Variants in SDK1 observed in about 807,000 individuals in gnomAD.
The protein encoded by SDK1 is protein sidekick-1.
Under a neutral mutation model 245.5 loss-of-function variants are expected in SDK1, and 157 were observed. The ratio of observed to expected loss-of-function variants is 0.64; its 90% confidence interval spans 0.56 to 0.73. The LOEUF is 0.73. Ranked by LOEUF, SDK1 falls within the 30% of genes least tolerant of loss-of-function variation. The probability of loss-of-function intolerance (pLI) is 0.00; values close to 1 mark genes in which losing one functional copy is unlikely to be tolerated. For missense variants in SDK1, 3,583 were observed against 3,002.3 expected (o/e 1.19, Z -4.52); for synonymous variants, 1,647 against 1,278.5 (o/e 1.29, Z -6.15).
chr7:3,789,896 G>A (rs1020415730), intron 4 of SDK1, among the ~76,000 whole-genome samples: 12 of 151,752 alleles, frequency 7.9e-5, no homozygotes, highest in Non-Finnish European at 1.5e-4. Flanking sequence ...GGACAGGCTC[G>A]AGGACAGGCT....
At chr7:3,976,004 CCACGCA>C (rs1782929216) in intron 13 of SDK1, among the ~76,000 whole-genome samples, 2 of 8,324 alleles carry the variant, frequency 2.4e-4, no homozygotes, top group Non-Finnish European at 5.4e-4. Flanking sequence ...GCTGAGGCTG[CCACGCA>C]GAGGATCCTC....
chr7:3,631,502 G>A (rs952942585), intron 2 of SDK1, among the ~76,000 whole-genome samples: 10 of 152,112 alleles, frequency 6.6e-5, no homozygotes, highest in African/African-American at 2.2e-4. Flanking sequence ...TGTCCTCTAT[G>A]AATTGCCTAG....
intron 22 of SDK1, among the ~76,000 whole-genome samples, chr7:4,107,315 AAGGCAGG>A (rs1782999371): frequency 6.6e-6 from 1 of 152,104 alleles, no homozygotes; most frequent in African/African-American, 2.4e-5. Context: ...AAGGACCCGG[AAGGCAGG>A]AGGCTGCCGG....
chr7:4,079,109 G>A (rs1477519790), intron 21 of SDK1, among the ~76,000 whole-genome samples: 1 of 152,204 alleles, frequency 6.6e-6, no homozygotes, highest in Non-Finnish European at 1.5e-5. Flanking sequence ...TGAGGAGCCA[G>A]GAAGAATTAC....
intron 17 of SDK1, among the ~76,000 whole-genome samples, chr7:4,037,657 A>T (rs1236322809): frequency 6.6e-6 from 1 of 152,152 alleles, no homozygotes; most frequent in African/African-American, 2.4e-5. Flanking sequence ...GTCAAAAATG[A>T]CATTCTGATT....
chr7:3,546,062 G>C (rs888927571), intron 1 of SDK1, among the ~76,000 whole-genome samples: 1 of 152,090 alleles, frequency 6.6e-6, no homozygotes, highest in Non-Finnish European at 1.5e-5. Context: ...ACTTTTAATC[G>C]TTGGGATGCA....
Position 3,951,030 on chromosome 7 carries a change from G to T in SDK1, c.955G>T (p.Ala319Ser), listed in dbSNP as rs1214413035. ...SETTLECIAS[A>S]RPVEDLSVTW... ...GACCACCTTGGAATGTATAGCCAGT[G>T]CCAGGTACGAGGCGCGTCTCCTGTG... is the stretch of plus-strand genomic sequence containing the variant. Residue 319 changes from alanine to serine, a missense_variant, in exon 6 of 45, where the codon GCC (alanine) becomes TCC (serine). Coordinates refer to ENST00000404826, the MANE Select transcript of SDK1 (RefSeq NM_152744.4). The T allele has an allele frequency of 6.2e-7, 1 of 1,609,802 alleles. No individual in the cohort carries two copies. The highest frequency in any genetic ancestry group is 1.3e-5 in the African/African-American group (1 of 74,946).
intron 1 of SDK1, among the ~76,000 whole-genome samples, chr7:3,388,061 C>G (rs1196620630): frequency 1.3e-5 from 2 of 152,152 alleles, no homozygotes; most frequent in East Asian, 3.9e-4. Flanking sequence ...TATTTATGTT[C>G]AGATAGAAGG....
At chr7:3,439,457 G>C (rs1262413825) in intron 1 of SDK1, among the ~76,000 whole-genome samples, 1 of 152,078 alleles carries the variant, frequency 6.6e-6, no homozygotes, top group Non-Finnish European at 1.5e-5. Context: ...TTTCGGGTTT[G>C]GTCAACCTTT....
At chr7:3,993,824 C>A (rs753268616) in intron 14 of SDK1, among the ~76,000 whole-genome samples, 1 of 152,144 alleles carries the variant, frequency 6.6e-6, no homozygotes. Flanking sequence ...TCACTTCTCA[C>A]GCATTCTATC....
Position 3,370,228 on chromosome 7 carries a change from C to G in SDK1, c.298+68344C>G, listed in dbSNP as rs368568503. 5.3e-5 allele frequency among the ~76,000 whole-genome samples: 8 copies of G among 152,292 alleles called. No homozygotes were observed. In the East Asian group the frequency reaches 7.7e-4, roughly 15 times the overall value. On this transcript the variant is annotated intron_variant, in intron 1 of 44. Transcript: ENST00000404826. The stretch of plus-strand genomic sequence containing the variant: ...ATACATAGGTTTTCAGTACAGTCTC[C>G]TTACCGGCAGGGGAATATCAGACAA...
At chr7:4,055,539 T>C (rs908936453) in intron 19 of SDK1, among the ~76,000 whole-genome samples, 22 of 129,596 alleles carry the variant, frequency 1.7e-4, no homozygotes, top group African/African-American at 9.6e-4. Context: ...GTTTTTGTTG[T>C]TGTTGTTGTT....
chr7:4,016,203 C>G (rs1329412301), intron 16 of SDK1, among the ~76,000 whole-genome samples: 6 of 152,240 alleles, frequency 3.9e-5, no homozygotes, highest in African/African-American at 1.2e-4. Context: ...CTGGAGGAGC[C>G]TGAAGATTTC....
chr7:3,349,474 A>G (rs1250803212), intron 1 of SDK1, among the ~76,000 whole-genome samples: 1 of 152,198 alleles, frequency 6.6e-6, no homozygotes, highest in East Asian at 1.9e-4. Context: ...CACAGTGTCC[A>G]TGAAGGAGCT....
At chr7:3,712,105 A>G (rs1002558483) in intron 4 of SDK1, among the ~76,000 whole-genome samples, 9 of 152,152 alleles carry the variant, frequency 5.9e-5, no homozygotes, top group African/African-American at 2.2e-4. Flanking sequence ...GAACCAGGCC[A>G]GTCCATGGCC....
chr7:3,652,606 G>A (rs1019881371), intron 4 of SDK1, among the ~76,000 whole-genome samples: 1 of 152,232 alleles, frequency 6.6e-6, no homozygotes, highest in Non-Finnish European at 1.5e-5. Context: ...GGGCTGGTGT[G>A]AGAAGAGAGA....
At chr7:3,711,974 G>A (rs1240885409) in intron 4 of SDK1, among the ~76,000 whole-genome samples, 1 of 151,290 alleles carries the variant, frequency 6.6e-6, no homozygotes, top group Admixed American at 6.6e-5. Context: ...CAAGATTAAT[G>A]ATGGCATCTA....
At chr7:4,129,666 A>C in intron 26 of SDK1, 1 of 1,380,094 alleles carries the variant, frequency 7.2e-7, no homozygotes, top group Non-Finnish European at 9.3e-7. Flanking sequence ...ATGACCAGGC[A>C]GCAGGCTCGC....
intron 22 of SDK1, among the ~76,000 whole-genome samples, chr7:4,098,393 C>T (rs139810220): frequency 1.5e-3 from 223 of 152,232 alleles, no homozygotes; most frequent in African/African-American, 5.0e-3. Flanking sequence ...TTCCCTGCTC[C>T]GATTCCTTCA....
Sources: allele counts gnomAD v4.1 joint callset (sites outside exome capture counted in the v4.1 genomes callset), GRCh38; gene constraint gnomAD v4.1.1; transcripts MANE v1.5; gene names NCBI Gene and HGNC (gene_info 2026-07-23, HGNC 2026-07-21).